The following RCOR1 variants were observed in gnomAD, a reference collection of about 807,000 sequenced individuals.
RCOR1 encodes REST corepressor.
Under a neutral mutation model 64.0 loss-of-function variants are expected in RCOR1, and 12 were observed. The ratio of observed to expected loss-of-function variants is 0.19; its 90% CI spans 0.12 to 0.30. The LOEUF (loss-of-function observed/expected upper bound fraction) is 0.30, where lower values mean the gene tolerates loss of function less well. Among genes scored for constraint, RCOR1 ranks in the 10% least tolerant of loss-of-function variants. The pLI, the probability that RCOR1 is intolerant of heterozygous loss-of-function variation, is 1.00. For missense variants in RCOR1, 502 were observed against 621.2 expected (o/e 0.81, Z 2.04); for synonymous variants, 279 against 227.2 (o/e 1.23, Z -2.05).
At chr14:102,633,143 A>G (rs990761346) in intron 2 of RCOR1, among the ~76,000 whole-genome samples, 1 of 151,454 alleles carries the variant, frequency 6.6e-6, no homozygotes, top group East Asian at 1.9e-4. Context: ...ACCTGGATCT[A>G]ATCCTCTCAT....
chr14:102,602,574 T>A (rs1420231855), intron 2 of RCOR1, among the ~76,000 whole-genome samples: 2 of 152,064 alleles, frequency 1.3e-5, no homozygotes, highest in African/African-American at 4.8e-5. Flanking sequence ...TGGCTAATTT[T>A]AAAAAATATT....
Position 102,592,839 on chromosome 14 carries a change from C to T in RCOR1, c.-48C>T. On this transcript the variant is annotated 5_prime_UTR_variant, in exon 1 of 12. Transcript: ENST00000262241. ...CTCCCCCGTCTCGGCGCCCCCTCCT[C>T]AGGAGCCGCGGGTCCCCGCCACTTT... 6 of 1,177,150 alleles carry T rather than the reference C, an allele frequency of 5.1e-6. No individual in the cohort carries two copies. The highest frequency in any genetic ancestry group is 5.2e-6 in the Non-Finnish European group (5 of 954,900). The allele number at this position is 1,177,150 out of a possible 1,614,324, so 72.9% of individuals were successfully genotyped here.
At chr14:102,720,233 T>C (rs1365330527) in intron 8 of RCOR1, among the ~76,000 whole-genome samples, 1 of 152,230 alleles carries the variant, frequency 6.6e-6, no homozygotes, top group Non-Finnish European at 1.5e-5. Context: ...GACACGGATA[T>C]GCCCTCTACT....
At chr14:102,707,231 C>A (rs995179453) in intron 4 of RCOR1, 120 bp from the exon 5 acceptor site, 2 of 741,854 alleles carry the variant, frequency 2.7e-6, no homozygotes, top group Non-Finnish European at 4.3e-6. Flanking sequence ...TGCCACTTAG[C>A]GCTGTAGATG....
chr14:102,667,890 A>T (rs1894947573), intron 2 of RCOR1, among the ~76,000 whole-genome samples: 2 of 152,146 alleles, frequency 1.3e-5, no homozygotes, highest in South Asian at 4.1e-4. Context: ...GGAAGGGTGA[A>T]TGAGAGGGCA....
Position 102,600,089 on chromosome 14 carries a change from A to T in RCOR1, c.361+6764A>T, listed in dbSNP as rs548801117. On this transcript the variant is annotated intron_variant, in intron 2 of 11. Coordinates refer to ENST00000262241, the MANE Select transcript of RCOR1 (RefSeq NM_015156.4). The stretch of plus-strand genomic sequence containing the variant: ...ATTTATTTATTTAATTATTATTATT[A>T]TTTTTTTGAGACGGAGTCTCGCTCT... Among the ~76,000 whole-genome samples the T allele has an allele frequency of 2.3e-3, 350 of 151,046 alleles. 1 individual carries two copies. Among genetic ancestry groups the T allele is most frequent in the African/African-American group, 7.8e-3 (320 of 41,096 alleles).
At chr14:102,665,754 C>T (rs560811695) in intron 2 of RCOR1, among the ~76,000 whole-genome samples, 1 of 152,174 alleles carries the variant, frequency 6.6e-6, no homozygotes, top group Non-Finnish European at 1.5e-5. Context: ...CACTTAACTC[C>T]TCTTTTCAAA....
At chr14:102,710,364 G>C (rs778783035) in intron 6 of RCOR1, among the ~76,000 whole-genome samples, 1 of 152,106 alleles carries the variant, frequency 6.6e-6, no homozygotes, top group African/African-American at 2.4e-5. Context: ...ATTACAAAAA[G>C]CATTTAAAGT....
At position 102,730,300 on chromosome 14, in the gene RCOR1, G is replaced by A. The variant is rs893203792; in HGVS notation, c.*3794G>A. The A allele has an allele frequency of 3.2e-6, 1 of 311,100 alleles. No homozygotes were observed. The highest frequency in any genetic ancestry group is 5.0e-5 in the Admixed American group (1 of 20,170). 19.3% of individuals were successfully genotyped at this position (311,100 alleles called of 1,614,324 possible). On this transcript the variant is annotated 3_prime_UTR_variant, in exon 12 of 12. Coordinates refer to ENST00000262241, the MANE Select transcript of RCOR1 (RefSeq NM_015156.4). ...AATGCTGTATATCTTTTGAAGTGAT[G>A]AAATCCACGTTGGAATTTTAAAGAA... is the stretch of plus-strand genomic sequence containing the variant.
intron 11 of RCOR1, among the ~76,000 whole-genome samples, chr14:102,723,363 A>G (rs889280194): frequency 6.6e-6 from 1 of 152,220 alleles, no homozygotes; most frequent in Non-Finnish European, 1.5e-5. Context: ...AGGTATTGGC[A>G]TCCCCTGGGA....
rs527831856 is a variant in RCOR1 at position 102,720,783 on chromosome 14, G to A, written c.1054-224G>A. 64 of 363,140 alleles carry A rather than the reference G, an allele frequency of 1.8e-4. No homozygotes were observed. The East Asian group carries it at 2.8e-3, about 16-fold the overall frequency. 22.5% of individuals were successfully genotyped at this position (363,140 alleles called of 1,614,324 possible). A position where few individuals can be genotyped will look rare whatever the true frequency, so the allele number is the denominator to read the frequency against. ...AGGACTGTGTACGTGAGAGCCCTCC[G>A]TCCCCTCCTCCTTGGGTTGTACCTT... On this transcript the variant is annotated intron_variant, in intron 8 of 11. Transcript: ENST00000262241.
intron 4 of RCOR1, among the ~76,000 whole-genome samples, chr14:102,704,160 CCAAAGAGGAGAAG>C (rs1170273589): frequency 6.6e-6 from 1 of 152,150 alleles, no homozygotes; most frequent in Non-Finnish European, 1.5e-5. Context: ...GCTGTCATGA[CCAAAGAGGAGAAG>C]CAAAGAGGGC....
chr14:102,659,421 C>A, intron 2 of RCOR1: 1 of 278,458 alleles, frequency 3.6e-6, no homozygotes, highest in Non-Finnish European at 5.4e-6. Context: ...TCTTATTTTA[C>A]TGGAGATTCC....
intron 2 of RCOR1, among the ~76,000 whole-genome samples, chr14:102,675,710 C>T (rs1421977973): frequency 1.3e-5 from 2 of 152,224 alleles, no homozygotes; most frequent in Non-Finnish European, 2.9e-5. Context: ...ACTGGAGTTT[C>T]ATATACCACC....
In RCOR1 at chr14:102,656,362, C is replaced by G. The variant is rs12232117; in HGVS notation, c.362-25533C>G. ...CCATGTAGGCCAGGCTGGTCTCAAA[C>G]TCCTGACCTCAAGCGATCCGCCTGC... is the stretch of plus-strand genomic sequence containing the variant. On this transcript the variant is annotated intron_variant, in intron 2 of 11. Coordinates refer to ENST00000262241, the MANE Select transcript of RCOR1 (RefSeq NM_015156.4). 3.0e-4 allele frequency among the ~76,000 whole-genome samples: 46 copies of G among 152,166 alleles called. 1 individual carries two copies. In the East Asian group the frequency reaches 8.9e-3, roughly 29 times the overall value.
At position 102,593,238 on chromosome 14, in the gene RCOR1, T is replaced by C. The variant is rs977940834; in HGVS notation, c.302-28T>C. ...CCGGGCCCCGCGCCCCGCGCCGCGC[T>C]GACCGCCGTATTCTGCTTCCCCCGC... On this transcript the variant is annotated intron_variant, in intron 1 of 11. Coordinates refer to ENST00000262241, the MANE Select transcript of RCOR1 (RefSeq NM_015156.4). The C allele has an allele frequency of 3.3e-5, 49 of 1,495,118 alleles. No individual in the cohort carries two copies. In the Admixed American group the frequency reaches 9.2e-4, roughly 28 times the overall value. 92.6% of individuals were successfully genotyped at this position (1,495,118 alleles called of 1,614,324 possible).
intron 2 of RCOR1, chr14:102,655,653 C>CA (rs887915650): frequency 1.6e-5 from 5 of 319,452 alleles, no homozygotes; most frequent in African/African-American, 2.3e-5. Context: ...ATGTATGAAA[C>CA]AAAAAAATGA....
intron 3 of RCOR1, among the ~76,000 whole-genome samples, chr14:102,686,679 A>G (rs967987466): frequency 2.8e-4 from 43 of 152,206 alleles, no homozygotes; most frequent in African/African-American, 1.0e-3. Context: ...ATCATATAGT[A>G]TGTAGCCTTT....
chr14:102,724,393 C>T lies in RCOR1; in HGVS notation c.1419+1977C>T, dbSNP rs138316286. 6.8e-3 allele frequency among the ~76,000 whole-genome samples: 1,030 copies of T among 152,028 alleles called. 9 individuals are homozygous for T. Among genetic ancestry groups the T allele is most frequent in the African/African-American group, 0.023 (939 of 41,460 alleles). ...AGGCTGGAGTGCAGTGGCTCAATCT[C>T]GGCTCACTGCAACCTCCATCTCCCA... is the stretch of plus-strand genomic sequence containing the variant. On this transcript the variant is annotated intron_variant, in intron 11 of 11. Transcript: ENST00000262241.
Sources: allele counts gnomAD v4.1 joint callset (sites outside exome capture counted in the v4.1 genomes callset), GRCh38; gene constraint gnomAD v4.1.1; transcripts MANE v1.5; gene names NCBI Gene and HGNC (gene_info 2026-07-23, HGNC 2026-07-21).